DGKI: variants seen among roughly 807,000 people sequenced by gnomAD.
DGKI encodes diacylglycerol kinase iota.
DGKI carries 55 observed loss-of-function variants against 147.5 expected under a neutral mutation model. The observed-to-expected ratio is 0.37, with a 90% CI of 0.30 to 0.47. The LOEUF (loss-of-function observed/expected upper bound fraction) is 0.47, where lower values mean the gene tolerates loss of function less well. DGKI is among the 20% of genes least tolerant of loss of function. DGKI has a pLI of 1.00. For missense variants in DGKI, 1,007 were observed against 1,323.8 expected (o/e 0.76, Z 3.71); for synonymous variants, 469 against 477.1 (o/e 0.98, Z 0.22).
intron 21 of DGKI, among the ~76,000 whole-genome samples, chr7:137,504,776 A>G (rs1412249513): frequency 1.3e-5 from 2 of 152,322 alleles, no homozygotes; most frequent in African/African-American, 2.4e-5. Context: ...AGAAAATAAC[A>G]TAGAAATAAC....
chr7:137,774,392 C>T (rs1180564813), intron 1 of DGKI, among the ~76,000 whole-genome samples: 1 of 152,050 alleles, frequency 6.6e-6, no homozygotes, highest in Non-Finnish European at 1.5e-5. Context: ...TAAACATTTC[C>T]ATGCAATTTC....
intron 22 of DGKI, among the ~76,000 whole-genome samples, chr7:137,485,763 TA>T (rs1296640133): frequency 2.0e-5 from 3 of 152,134 alleles, no homozygotes; most frequent in African/African-American, 7.2e-5. Flanking sequence ...AATGTGCATA[TA>T]AACTTTTGGC....
At chr7:137,457,825 C>T (rs1273918298) in intron 27 of DGKI, among the ~76,000 whole-genome samples, 1 of 151,890 alleles carries the variant, frequency 6.6e-6, no homozygotes, top group African/African-American at 2.4e-5. Flanking sequence ...GAAGAAAATA[C>T]ACATAGAACA....
chr7:137,517,370 A>G (rs1816814633), intron 21 of DGKI, among the ~76,000 whole-genome samples: 1 of 135,602 alleles, frequency 7.4e-6, no homozygotes, highest in African/African-American at 2.7e-5. Context: ...AGAAAGAGGG[A>G]GAGAGAGAGG....
At chr7:137,770,534 GTT>G (rs1396125188) in intron 1 of DGKI, among the ~76,000 whole-genome samples, 3 of 101,424 alleles carry the variant, frequency 3.0e-5, no homozygotes, top group Non-Finnish European at 1.8e-5. Context: ...TACTCAGTGG[GTT>G]TTTTTTTTTT....
chr7:137,574,961 T>C (rs893140801), intron 17 of DGKI, among the ~76,000 whole-genome samples: 5 of 152,208 alleles, frequency 3.3e-5, no homozygotes, highest in Non-Finnish European at 7.4e-5. Flanking sequence ...GGGAGACATC[T>C]AATCACTCTC....
chr7:137,426,237 C>A (rs1812798637), intron 28 of DGKI, among the ~76,000 whole-genome samples: 2 of 152,118 alleles, frequency 1.3e-5, no homozygotes, highest in Non-Finnish European at 2.9e-5. Context: ...AGAGTGGGGG[C>A]CGATATTCAA....
chr7:137,704,070 G>C (rs574941612), intron 1 of DGKI, among the ~76,000 whole-genome samples: 4 of 152,250 alleles, frequency 2.6e-5, no homozygotes, highest in Non-Finnish European at 4.4e-5. Flanking sequence ...AATTAGCTGA[G>C]TGTGGCAGCA....
At chr7:137,690,031 A>ACAAAG in intron 1 of DGKI, 29 bp from the exon 2 acceptor site, 3 of 1,542,032 alleles carry the variant, frequency 1.9e-6, no homozygotes, top group Non-Finnish European at 1.8e-6. Flanking sequence ...CAAAAACAAA[A>ACAAAG]ACAAAGAAAA....
chr7:137,464,486 G>A (rs1016328906), intron 26 of DGKI, among the ~76,000 whole-genome samples: 5 of 152,216 alleles, frequency 3.3e-5, no homozygotes, highest in Middle Eastern at 3.4e-3. Flanking sequence ...TGTGCCCCAC[G>A]AAGTTGGCCT....
intron 7 of DGKI, among the ~76,000 whole-genome samples, chr7:137,622,917 G>A (rs1460989239): frequency 4.6e-5 from 7 of 152,228 alleles, no homozygotes. Context: ...ATGTTCAAAT[G>A]TAAGAAAGAG....
At chr7:137,647,474 G>C (rs1022712089) in intron 5 of DGKI, among the ~76,000 whole-genome samples, 1 of 152,120 alleles carries the variant, frequency 6.6e-6, no homozygotes, top group African/African-American at 2.4e-5. Context: ...CAATATTACT[G>C]GTTCCCCCAA....
chr7:137,422,595 C>CTTTTTTTTTTTTTTTT (rs60494368), intron 28 of DGKI, among the ~76,000 whole-genome samples: 11 of 61,966 alleles, frequency 1.8e-4, no homozygotes, highest in African/African-American at 3.3e-4. Context: ...TTTTTCTTTT[C>CTTTTTTTTTTTTTTTT]TTTTTTTTTT....
chr7:137,454,674 T>C (rs1814114483), intron 27 of DGKI: 1 of 152,098 alleles, frequency 6.6e-6, no homozygotes. Flanking sequence ...TGCAATATAG[T>C]TGCCAGCCCA....
At chr7:137,819,389 G>T (rs533697239) in intron 1 of DGKI, among the ~76,000 whole-genome samples, 1 of 149,798 alleles carries the variant, frequency 6.7e-6, no homozygotes, top group African/African-American at 2.5e-5. Flanking sequence ...TCGGCTCACC[G>T]CAAGCTCCAC....
chr7:137,466,830 A>G, intron 25 of DGKI, 72 bp downstream of exon 25: 3 of 1,503,940 alleles, frequency 2.0e-6, no homozygotes, highest in South Asian at 2.3e-5. Context: ...AAAATTTATG[A>G]GATTAGCTAC....
rs74562984 is a variant in DGKI, at chr7:137,741,012, AT to A, written c.402-51011del. Reference sequence around the variant, plus strand: ...TGATAAAAAGGGTGGCTAAGTCTTAATTTTTTTTTTATTATTTTGAGAACTA... The same window carrying A: ...TGATAAAAAGGGTGGCTAAGTCTTAATTTTTTTTTATTATTTTGAGAACTA... On this transcript the variant is annotated intron_variant, in intron 1 of 32. Coordinates refer to ENST00000614521, the MANE Select transcript of DGKI (RefSeq NM_001321708.2). Among the ~76,000 whole-genome samples the A allele has an allele frequency of 2.0e-4, 30 of 150,844 alleles. No homozygotes were observed. In the East Asian group the frequency reaches 3.3e-3, roughly 17 times the overall value.
chr7:137,731,632 C>A (rs1355121309), intron 1 of DGKI, among the ~76,000 whole-genome samples: 1 of 152,098 alleles, frequency 6.6e-6, no homozygotes, highest in African/African-American at 2.4e-5. Flanking sequence ...AGCAATGACA[C>A]TATCTTGACT....
At chr7:137,491,625 A>G (rs1287134981) in intron 21 of DGKI, among the ~76,000 whole-genome samples, 1 of 152,242 alleles carries the variant, frequency 6.6e-6, no homozygotes, top group Non-Finnish European at 1.5e-5. Context: ...GCTGAAACTC[A>G]TAATTCTTGT....
Sources: gnomAD v4.1 joint callset for allele counts (sites outside exome capture counted in the v4.1 genomes callset) on GRCh38, gnomAD v4.1.1 for gene constraint, MANE v1.5 for transcripts, NCBI Gene and HGNC (gene_info 2026-07-23, HGNC 2026-07-21) for gene names.